The following CGNL1 variants were observed in gnomAD, a reference collection of about 807,000 sequenced individuals.
CGNL1 encodes the protein cingulin like 1.
In CGNL1, 132 loss-of-function variants were observed where a neutral mutation model predicts 141.2. The ratio of observed to expected loss-of-function variants is 0.93; its 90% CI spans 0.81 to 1.08. The LOEUF (loss-of-function observed/expected upper bound fraction) is 1.08, where lower values mean the gene tolerates loss of function less well. Ranked by LOEUF, CGNL1 falls within the 50% of genes least tolerant of loss-of-function variation. CGNL1 has a pLI of 0.00. For synonymous variants in CGNL1, 690 were observed against 622.1 expected (o/e 1.11, Z -1.63); for missense variants, 1,870 against 1,588.6 (o/e 1.18, Z -3.01).
intron 8 of CGNL1, among the ~76,000 whole-genome samples, chr15:57,509,069 A>G (rs1227074254): frequency 6.6e-6 from 1 of 152,138 alleles, no homozygotes; most frequent in African/African-American, 2.4e-5. Context: ...CTTTCCTAAC[A>G]CTTCAGAGTG....
intron 8 of CGNL1, among the ~76,000 whole-genome samples, chr15:57,502,399 T>C (rs990875242): frequency 6.6e-6 from 1 of 152,174 alleles, no homozygotes; most frequent in East Asian, 1.9e-4. Context: ...AATGGCTGCT[T>C]ATCTTCCACA....
At chr15:57,404,028 C>T (rs1938375687) in intron 1 of CGNL1, among the ~76,000 whole-genome samples, 2 of 152,232 alleles carry the variant, frequency 1.3e-5, no homozygotes, top group Admixed American at 1.3e-4. Context: ...GGGTGTCAGA[C>T]TTGACTTTCC....
At chr15:57,529,283 G>A (rs1323153416) in intron 13 of CGNL1, among the ~76,000 whole-genome samples, 1 of 152,030 alleles carries the variant, frequency 6.6e-6, no homozygotes, top group African/African-American at 2.4e-5. Flanking sequence ...GAGGTTATTG[G>A]GCTTTGCCAG....
intron 8 of CGNL1, among the ~76,000 whole-genome samples, chr15:57,504,985 G>T (rs1391084858): frequency 6.6e-6 from 1 of 152,144 alleles, no homozygotes; most frequent in Non-Finnish European, 1.5e-5. Context: ...GATTAGACTT[G>T]GTTACTCCAT....
intron 8 of CGNL1, among the ~76,000 whole-genome samples, chr15:57,484,236 G>A (rs1174202347): frequency 6.6e-6 from 1 of 152,100 alleles, no homozygotes; most frequent in African/African-American, 2.4e-5. Context: ...GTTAGACCTG[G>A]ACATTTCTTT....
intron 14 of CGNL1, among the ~76,000 whole-genome samples, chr15:57,539,612 GC>G (rs1843792402): frequency 6.6e-6 from 1 of 152,204 alleles, no homozygotes; most frequent in African/African-American, 2.4e-5. Context: ...CCTCCTCTGA[GC>G]TTTGCAGTCA....
At chr15:57,432,624 G>A (rs1422277366) in intron 1 of CGNL1, among the ~76,000 whole-genome samples, 7 of 152,212 alleles carry the variant, frequency 4.6e-5, no homozygotes, top group African/African-American at 7.2e-5. Flanking sequence ...CCCCGACGGC[G>A]CAAGCGTGTC....
At chr15:57,460,464 C>T (rs2063431519) in intron 7 of CGNL1, among the ~76,000 whole-genome samples, 1 of 152,152 alleles carries the variant, frequency 6.6e-6, no homozygotes, top group South Asian at 2.1e-4. Flanking sequence ...GAAAAGACAA[C>T]TGTATTAGTC....
rs886238351 is a variant in CGNL1 at position 57,523,732 on chromosome 15, C to G, written c.2868+91C>G. 3 of 1,394,700 alleles carry G rather than the reference C, an allele frequency of 2.2e-6. No individual in the cohort carries two copies. In the African/African-American group the frequency reaches 4.3e-5, roughly 20 times the overall value. 86.4% of individuals were successfully genotyped at this position (1,394,700 alleles called of 1,614,324 possible). On this transcript the variant is annotated intron_variant, in intron 11 of 18. Coordinates refer to ENST00000281282, the MANE Select transcript of CGNL1 (RefSeq NM_032866.5). ...AGGGTCTGGTGAAAGCCTGGGAAAC[C>G]TGCAGTAGGTCTAAGCACAAAAGTG...
rs149779988 is a variant in CGNL1 at position 57,516,829 on chromosome 15, C to T, written c.2453C>T (p.Ala818Val). ...SRSNTSEQDQ[A>V]GTEMRVKLLQ... ...AGCAACACTTCAGAGCAAGACCAGG[C>T]GGGGACTGAAATGCGCGTGAAGCTT... Residue 818 changes from alanine (A) to valine (V), a missense_variant, in exon 9 of 19, where the codon GCG (alanine) becomes GTG (valine). Physicochemically the swap from Ala to Val is moderately conservative, Grantham distance 64. Transcript: ENST00000281282. The T allele has an allele frequency of 3.3e-4, 533 of 1,614,106 alleles. No individual in the cohort carries two copies. The African/African-American group carries it at 4.8e-3, about 15-fold the overall frequency.
chr15:57,540,303 G>T (rs2032495861), intron 14 of CGNL1, among the ~76,000 whole-genome samples: 2 of 152,218 alleles, frequency 1.3e-5, no homozygotes, highest in Admixed American at 1.3e-4. Context: ...CAGCATAGCT[G>T]GGGAGGCCTT....
chr15:57,400,053 G>A (rs1234441270), intron 1 of CGNL1, among the ~76,000 whole-genome samples: 4 of 150,058 alleles, frequency 2.7e-5, no homozygotes, highest in Admixed American at 1.3e-4. Flanking sequence ...TGGTGCAGTG[G>A]CATAATCAAA....
rs1358415265 is a variant in CGNL1, at chr15:57,547,361, G to A, written c.3780G>A (p.Lys1260=). The part of the protein sequence containing the change: ...LNSMKKDLRL[K]KLPSKVLDDM... ...CCCCTTGTCATTTCAGCAGACTGAA[G>A]AAGCTGCCGAGTAAAGTGCTGGATG... Residue 1260 remains lysine, a synonymous_variant, in exon 19 of 19, where the codon AAG becomes AAA. Coordinates refer to ENST00000281282, the MANE Select transcript of CGNL1 (RefSeq NM_032866.5). The A allele has an allele frequency of 3.1e-6, 5 of 1,614,046 alleles. No homozygotes were observed. The African/African-American group carries it at 6.7e-5, about 22-fold the overall frequency.
intron 7 of CGNL1, among the ~76,000 whole-genome samples, chr15:57,454,997 C>A (rs979501309): frequency 2.0e-5 from 3 of 152,138 alleles, no homozygotes; most frequent in Non-Finnish European, 4.4e-5. Context: ...CTATTGATAG[C>A]TTTCATCTAC....
At chr15:57,546,351 C>T in intron 18 of CGNL1, 112 bp downstream of exon 18, 1 of 1,295,206 alleles carries the variant, frequency 7.7e-7, no homozygotes, top group Non-Finnish European at 1.0e-6. Context: ...CTCATTGTTG[C>T]TTTTGGGGTT....
chr15:57,468,469 C>T (rs1417333529), intron 8 of CGNL1, among the ~76,000 whole-genome samples: 1 of 151,782 alleles, frequency 6.6e-6, no homozygotes, highest in Non-Finnish European at 1.5e-5. Context: ...TGAGCTCAGG[C>T]CATCTGCTCA....
chr15:57,398,453 C>T (rs1289719032), intron 1 of CGNL1: 1 of 152,058 alleles, frequency 6.6e-6, no homozygotes, highest in Non-Finnish European at 1.5e-5. Flanking sequence ...TCACCATTTT[C>T]CTGTTCTATT....
intron 14 of CGNL1, among the ~76,000 whole-genome samples, chr15:57,538,462 A>C (rs2032382408): frequency 1.3e-5 from 2 of 149,046 alleles, no homozygotes; most frequent in Non-Finnish European, 3.0e-5. Context: ...GGGATAAATA[A>C]TTCCTTTTTT....
At chr15:57,483,878 G>A (rs566544548) in intron 8 of CGNL1, among the ~76,000 whole-genome samples, 2 of 152,224 alleles carry the variant, frequency 1.3e-5, no homozygotes, top group African/African-American at 4.8e-5. Context: ...TTATTGATAT[G>A]ATCATGTGAT....
Sources: gnomAD v4.1 joint callset for allele counts (sites outside exome capture counted in the v4.1 genomes callset) on GRCh38, gnomAD v4.1.1 for gene constraint, MANE v1.5 for transcripts, NCBI Gene and HGNC (gene_info 2026-07-23, HGNC 2026-07-21) for gene names.